The following TMEM9B variants were observed in gnomAD, a reference collection of about 807,000 sequenced individuals.
TMEM9B encodes TMEM9 domain family member B, also known as transmembrane protein 9B.
In TMEM9B, 8 loss-of-function variants were observed where a neutral mutation model predicts 23.5. The observed-to-expected ratio is 0.34, with a 90% CI of 0.20 to 0.61. The LOEUF (loss-of-function observed/expected upper bound fraction) is 0.61, where lower values mean the gene tolerates loss of function less well. TMEM9B is among the 20% of genes least tolerant of loss of function. TMEM9B has a pLI of 0.78. For synonymous variants in TMEM9B, 106 were observed against 96.3 expected, an observed-to-expected ratio of 1.10 and a Z score of -0.59; for missense variants, 197 against 252.3, an observed-to-expected ratio of 0.78 and a Z score of 1.49.
chr11:8,964,442 T>C lies in TMEM9B; in HGVS notation c.-129A>G, dbSNP rs1854159322. 9.8e-6 allele frequency: 14 copies of C among 1,427,890 alleles called. No homozygotes were observed. The South Asian group carries it at 2.1e-4, about 22-fold the overall frequency. 88.5% of individuals were successfully genotyped at this position (1,427,890 alleles called of 1,614,324 possible). A position where few individuals can be genotyped will look rare whatever the true frequency, so the allele number is the denominator to read the frequency against. ...GGGATCCTCCGCCCGCACTTCCGTC[T>C]GGACGCGAAGGCGTCACCGGGCGCG... On this transcript the variant is annotated 5_prime_UTR_variant, in exon 1 of 5. Coordinates refer to ENST00000534025, the MANE Select transcript of TMEM9B (RefSeq NM_020644.3).
chr11:8,948,173 TCAAG>T lies in TMEM9B; in HGVS notation c.*143_*146del. 1.0e-6 allele frequency: 1 copy of T among 991,990 alleles called. No homozygotes were observed. The highest frequency in any genetic ancestry group is 1.4e-6 in the Non-Finnish European group (1 of 692,388). 61.4% of individuals were successfully genotyped at this position (991,990 alleles called of 1,614,324 possible). A position where few individuals can be genotyped will look rare whatever the true frequency, so the allele number is the denominator to read the frequency against. On this transcript the variant is annotated 3_prime_UTR_variant, in exon 5 of 5. Coordinates refer to ENST00000534025, the MANE Select transcript of TMEM9B (RefSeq NM_020644.3). ...TTATTACGTTAACAAGAAAAAAAAA[TCAAG>T]CAAGTTTTTGCTTCCAGTTTTGAAT...
intron 2 of TMEM9B, 126 bp downstream of exon 2, chr11:8,961,966 A>G: frequency 1.6e-6 from 1 of 640,392 alleles, no homozygotes; most frequent in Non-Finnish European, 2.5e-6. Flanking sequence ...ATGGAAGTAG[A>G]ATTTCACATT....
At chr11:8,963,931 A>C in intron 1 of TMEM9B, 1 of 469,586 alleles carries the variant, frequency 2.1e-6, no homozygotes. Flanking sequence ...GGGAAGGGAA[A>C]TGTTAAGGCG....
intron 1 of TMEM9B, 186 bp downstream of exon 1, chr11:8,964,023 G>A: frequency 4.9e-6 from 3 of 608,862 alleles, no homozygotes; most frequent in Non-Finnish European, 8.3e-6. Flanking sequence ...TGTCGGGGCT[G>A]AGGGCGAGAG....
intron 4 of TMEM9B, among the ~76,000 whole-genome samples, chr11:8,949,053 A>G (rs1490067463): frequency 1.3e-5 from 2 of 152,152 alleles, no homozygotes; most frequent in Non-Finnish European, 2.9e-5. Flanking sequence ...CAACACACAC[A>G]CTAAATGGAT....
chr11:8,953,099 G>T, intron 4 of TMEM9B, 104 bp downstream of exon 4: 1 of 1,413,078 alleles, frequency 7.1e-7, no homozygotes, highest in Non-Finnish European at 1.0e-6. Flanking sequence ...TTGAGGATCT[G>T]CTTCAGCACG....
intron 4 of TMEM9B, among the ~76,000 whole-genome samples, chr11:8,952,016 G>A (rs987853457): frequency 6.6e-6 from 1 of 151,914 alleles, no homozygotes; most frequent in African/African-American, 2.4e-5. Flanking sequence ...GGCTGAGGCA[G>A]GAGAATTGCT....
At chr11:8,954,934 C>T (rs1246068237) in intron 3 of TMEM9B, among the ~76,000 whole-genome samples, 1 of 151,928 alleles carries the variant, frequency 6.6e-6, no homozygotes, top group East Asian at 1.9e-4. Context: ...GGGTGGACCA[C>T]GAGGTCAGGA....
chr11:8,954,705 G>A (rs1235676642), intron 3 of TMEM9B, among the ~76,000 whole-genome samples: 2 of 152,186 alleles, frequency 1.3e-5, no homozygotes, highest in Non-Finnish European at 2.9e-5. Flanking sequence ...TTAAATAATA[G>A]TACAGTGAGG....
intron 3 of TMEM9B, among the ~76,000 whole-genome samples, 179 bp downstream of exon 3, chr11:8,956,011 A>G (rs1853967407): frequency 1.3e-5 from 2 of 152,150 alleles, no homozygotes; most frequent in South Asian, 4.1e-4. Flanking sequence ...GCCATTTCAC[A>G]TATCTATCTA....
At chr11:8,954,489 A>G (rs999386153) in intron 3 of TMEM9B, among the ~76,000 whole-genome samples, 2 of 152,058 alleles carry the variant, frequency 1.3e-5, no homozygotes, top group African/African-American at 2.4e-5. Context: ...GGGTTTCACC[A>G]CGTTGGACAG....
At chr11:8,962,317 AACAG>A (rs1854095782) in intron 1 of TMEM9B, 134 bp from the exon 2 acceptor site, 1 of 590,400 alleles carries the variant, frequency 1.7e-6, no homozygotes, top group South Asian at 2.0e-5. Context: ...TTAAAACTTT[AACAG>A]ACACAGTTTT....
At chr11:8,954,389 A>G (rs1444833336) in intron 3 of TMEM9B, among the ~76,000 whole-genome samples, 1 of 152,050 alleles carries the variant, frequency 6.6e-6, no homozygotes, top group African/African-American at 2.4e-5. Context: ...TCCAGGATCA[A>G]GTGATTCTCA....
rs185532317 is a variant in TMEM9B, at chr11:8,955,777, G to A, written c.306+413C>T. ...AGACCACAGACTGGGCTGTGGCCTGGGGGCTGGGGACCACTGTCCTACAGG... is the reference window on the plus strand; with the variant it reads ...AGACCACAGACTGGGCTGTGGCCTGAGGGCTGGGGACCACTGTCCTACAGG... On this transcript the variant is annotated intron_variant, in intron 3 of 4. Transcript: ENST00000534025. 5.3e-3 allele frequency among the ~76,000 whole-genome samples: 810 copies of A among 152,314 alleles called. 5 individuals carry two copies. The highest frequency in any genetic ancestry group is 7.4e-3 in the Admixed American group (113 of 15,290).
rs369295022 is a variant in TMEM9B, at chr11:8,953,335, A to G, written c.309T>C (p.Val103=). 1 of 1,612,246 alleles carries G rather than the reference A, an allele frequency of 6.2e-7. No homozygotes were observed. Among genetic ancestry groups the G allele is most frequent in the Non-Finnish European group, 8.5e-7 (1 of 1,179,042 alleles). Residue 103 remains valine, a splice_region_variant and synonymous_variant, in exon 4 of 5, where the codon GTT becomes GTC. Coordinates refer to ENST00000534025, the MANE Select transcript of TMEM9B (RefSeq NM_020644.3). The stretch of plus-strand genomic sequence containing the variant: ...AAATGGAGAGATAAATTATAATGGT[A>G]ACCTAAAGGAAATTGAAAATTAAGT... ...YEERSSVTIK[V]TIIIYLSILG...
Position 8,947,700 on chromosome 11 carries a change from A to C in TMEM9B, c.*620T>G, listed in dbSNP as rs1315721456. ...TGAAGAAAATCTGCTTTTTGTGAAAAGCCACCAGGCATTTTAGATCCCGTT... is the reference window on the plus strand; with the variant it reads ...TGAAGAAAATCTGCTTTTTGTGAAACGCCACCAGGCATTTTAGATCCCGTT... On this transcript the variant is annotated 3_prime_UTR_variant, in exon 5 of 5. Transcript: ENST00000534025. 2 of 152,738 alleles carry C rather than the reference A, an allele frequency of 1.3e-5. No individual in the cohort carries two copies. Among genetic ancestry groups the C allele is most frequent in the Non-Finnish European group, 2.9e-5 (2 of 68,106 alleles). 9.5% of individuals were successfully genotyped at this position (152,738 alleles called of 1,614,324 possible). A position where few individuals can be genotyped will look rare whatever the true frequency, so the allele number is the denominator to read the frequency against.
rs1327862491 is a variant in TMEM9B, at chr11:8,948,371, T to C, written c.546A>G (p.Gln182=). ...AGACAGACTTTCGCTGCTCTTGGAC[T>C]TGAAGCTTCCAGCGCTGCTGTGCAT... ...VEYAQQRWKL[Q]VQEQRKSVFD... Residue 182 remains glutamine (Q), a synonymous_variant, in exon 5 of 5, where the codon CAA becomes CAG. Transcript: ENST00000534025. The C allele has an allele frequency of 6.2e-7, 1 of 1,614,252 alleles. No homozygotes were observed. Among genetic ancestry groups the C allele is most frequent in the East Asian group, 2.2e-5 (1 of 44,888 alleles).
chr11:8,952,803 C>T (rs1853909625), intron 4 of TMEM9B: 5 of 353,302 alleles, frequency 1.4e-5, no homozygotes, highest in Non-Finnish European at 2.6e-5. Flanking sequence ...ACATCATGAT[C>T]TTCACACTTC....
At chr11:8,954,018 G>A (rs1238611551) in intron 3 of TMEM9B, among the ~76,000 whole-genome samples, 2 of 152,068 alleles carry the variant, frequency 1.3e-5, no homozygotes, top group South Asian at 2.1e-4. Context: ...TAATCCAAAC[G>A]TCCATCAACT....
Sources: allele counts gnomAD v4.1 joint callset (sites outside exome capture counted in the v4.1 genomes callset), GRCh38; gene constraint gnomAD v4.1.1; transcripts MANE v1.5; gene names NCBI Gene and HGNC (gene_info 2026-07-23, HGNC 2026-07-21).